The following RSRC1 variants were observed in gnomAD, a reference collection of about 807,000 sequenced individuals.
RSRC1 encodes serine/Arginine-related protein 53.
RSRC1 carries 39 observed loss-of-function variants against 49.1 expected under a neutral mutation model. That is an observed-to-expected ratio of 0.79 (90% CI 0.61 to 1.04). The LOEUF is 1.04. Ranked by LOEUF, RSRC1 falls within the 50% of genes least tolerant of loss-of-function variation. The pLI, the probability that RSRC1 is intolerant of heterozygous loss-of-function variation, is 0.00. For synonymous variants in RSRC1, 143 were observed against 130.8 expected (o/e 1.09, Z -0.63); for missense variants, 388 against 402.4 (o/e 0.96, Z 0.31).
intron 4 of RSRC1, among the ~76,000 whole-genome samples, chr3:158,268,676 T>G (rs1042104729): frequency 3.9e-5 from 6 of 152,210 alleles, no homozygotes; most frequent in Admixed American, 2.0e-4. Context: ...AAATACATTT[T>G]TTACCATGTT....
intron 7 of RSRC1, among the ~76,000 whole-genome samples, chr3:158,527,077 C>CTTTTTTTTTTTTTTTT (rs543523088): frequency 9.1e-6 from 1 of 110,180 alleles, no homozygotes; most frequent in South Asian, 3.3e-4. Flanking sequence ...AGTTCAAAAT[C>CTTTTTTTTTTTTTTTT]TTTTTTTTTT....
At chr3:158,355,793 TGG>T (rs10603878) in intron 6 of RSRC1, among the ~76,000 whole-genome samples, 14,071 of 151,976 alleles carry the variant, frequency 0.093, 2,196 homozygotes, top group African/African-American at 0.32. Flanking sequence ...CTCTTATACA[TGG>T]TGGATGTCTT....
At chr3:158,310,050 A>G (rs986126032) in intron 5 of RSRC1, among the ~76,000 whole-genome samples, 8 of 151,732 alleles carry the variant, frequency 5.3e-5, no homozygotes, top group African/African-American at 1.7e-4. Context: ...GTAAGATACT[A>G]TAATGGATGT....
At chr3:158,515,223 G>T (rs1487136802) in intron 7 of RSRC1, among the ~76,000 whole-genome samples, 1 of 152,108 alleles carries the variant, frequency 6.6e-6, no homozygotes, top group African/African-American at 2.4e-5. Context: ...GCATGATTTT[G>T]CAGCGGCTGA....
chr3:158,146,144 G>T (rs1717098484), intron 3 of RSRC1, among the ~76,000 whole-genome samples: 2 of 152,112 alleles, frequency 1.3e-5, no homozygotes, highest in Admixed American at 1.3e-4. Context: ...TGATTGCCCT[G>T]GTCAGAACTT....
intron 3 of RSRC1, among the ~76,000 whole-genome samples, chr3:158,176,632 T>C (rs1396048229): frequency 6.6e-6 from 1 of 152,148 alleles, no homozygotes; most frequent in African/African-American, 2.4e-5. Context: ...TTACACCTTA[T>C]ACAAAAATTA....
At chr3:158,285,869 T>C (rs1276510498) in intron 4 of RSRC1, among the ~76,000 whole-genome samples, 1 of 152,218 alleles carries the variant, frequency 6.6e-6, no homozygotes, top group Non-Finnish European at 1.5e-5. Context: ...CTTTTCCTAA[T>C]TGAATACTCT....
intron 6 of RSRC1, among the ~76,000 whole-genome samples, chr3:158,358,927 TACACACACACAC>T (rs71777898): frequency 1.6e-5 from 2 of 128,926 alleles, no homozygotes; most frequent in East Asian, 2.1e-4. Context: ...CACACAAACA[TACACACACACAC>T]ACACACACAC....
At chr3:158,341,600 G>A (rs916312598) in intron 5 of RSRC1, among the ~76,000 whole-genome samples, 4 of 152,220 alleles carry the variant, frequency 2.6e-5, no homozygotes, top group Admixed American at 6.5e-5. Flanking sequence ...TTTGCTGCAG[G>A]AGCAGGGCCC....
At chr3:158,395,898 A>C (rs771422931) in intron 6 of RSRC1, among the ~76,000 whole-genome samples, 1 of 152,158 alleles carries the variant, frequency 6.6e-6, no homozygotes, top group Non-Finnish European at 1.5e-5. Context: ...TGTTCATTGC[A>C]GCAGTATTCA....
intron 6 of RSRC1, among the ~76,000 whole-genome samples, chr3:158,356,535 TTA>T (rs1426462300): frequency 6.8e-6 from 1 of 148,070 alleles, no homozygotes; most frequent in Non-Finnish European, 1.5e-5. Flanking sequence ...AATTCATAGT[TTA>T]TGTTTTTATC....
At chr3:158,365,328 G>A (rs1047223272) in intron 6 of RSRC1, among the ~76,000 whole-genome samples, 1 of 151,570 alleles carries the variant, frequency 6.6e-6, no homozygotes, top group Non-Finnish European at 1.5e-5. Flanking sequence ...GCCCCGGTGT[G>A]TCATGTTCCC....
chr3:158,113,127 CAG>C (rs140862082), intron 1 of RSRC1, among the ~76,000 whole-genome samples: 79,812 of 151,764 alleles, frequency 0.53, 21,348 homozygotes, highest in East Asian at 0.74. Context: ...GTCTTTATAA[CAG>C]AATGATTTCT....
At chr3:158,126,579 T>G (rs1715642504) in intron 3 of RSRC1, among the ~76,000 whole-genome samples, 1 of 152,224 alleles carries the variant, frequency 6.6e-6, no homozygotes, top group Non-Finnish European at 1.5e-5. Flanking sequence ...ACTGTCATCT[T>G]TTCAATTCTA....
At chr3:158,453,395 T>G (rs76298878) in intron 6 of RSRC1, among the ~76,000 whole-genome samples, 1 of 151,708 alleles carries the variant, frequency 6.6e-6, no homozygotes, top group African/African-American at 2.4e-5. Flanking sequence ...TTTTTTTTTT[T>G]TTCGAGTCGG....
chr3:158,439,269 A>G (rs1020062621), intron 6 of RSRC1, among the ~76,000 whole-genome samples: 1 of 152,160 alleles, frequency 6.6e-6, no homozygotes, highest in Non-Finnish European at 1.5e-5. Flanking sequence ...TTCCTCAAGG[A>G]TCTAGAACTA....
chr3:158,480,896 C>T (rs1003262839), intron 7 of RSRC1, among the ~76,000 whole-genome samples: 5 of 151,960 alleles, frequency 3.3e-5, no homozygotes, highest in African/African-American at 9.7e-5. Flanking sequence ...CAGGTATATT[C>T]ACGTAAGAAC....
intron 7 of RSRC1, among the ~76,000 whole-genome samples, chr3:158,473,041 T>TG (rs1482043647): frequency 6.6e-6 from 1 of 152,082 alleles, no homozygotes; most frequent in African/African-American, 2.4e-5. Context: ...TGTGGAGAAA[T>TG]GGGAACACTT....
chr3:158,378,895 C>G lies in RSRC1; in HGVS notation c.583+23987C>G, dbSNP rs746203758. Reference sequence around the variant, plus strand: ...CCCTTTCTTCCAAGTTTCAGCTTCCCTCCAAAATCTGTTTATTCACTCTTC... The same window carrying G: ...CCCTTTCTTCCAAGTTTCAGCTTCCGTCCAAAATCTGTTTATTCACTCTTC... On this transcript the variant is annotated intron_variant, in intron 6 of 9. Coordinates refer to ENST00000611884, the MANE Select transcript of RSRC1 (RefSeq NM_001271838.2). Among the ~76,000 whole-genome samples the G allele has an allele frequency of 3.9e-5, 6 of 152,172 alleles. No individual in the cohort carries two copies. In the East Asian group the frequency reaches 9.6e-4, roughly 24 times the overall value.
Sources: allele counts gnomAD v4.1 joint callset (sites outside exome capture counted in the v4.1 genomes callset), GRCh38; gene constraint gnomAD v4.1.1; transcripts MANE v1.5; gene names NCBI Gene and HGNC (gene_info 2026-07-23, HGNC 2026-07-21).